The following TAAR2 variants were observed in gnomAD, a reference collection of about 807,000 sequenced individuals.
The protein encoded by TAAR2 is trace amine associated receptor 2.
In TAAR2, 30 loss-of-function variants were observed where a neutral mutation model predicts 25.5. That is an observed-to-expected ratio of 1.18 (90% CI 0.88 to 1.60). The LOEUF is 1.60. TAAR2 is among the 40% of genes most tolerant of loss of function. The pLI, the probability that TAAR2 is intolerant of heterozygous loss-of-function variation, is 0.00. For missense variants in TAAR2, 481 were observed against 416.5 expected, an observed-to-expected ratio of 1.15 and a Z score of -1.35; for synonymous variants, 150 against 142.4, an observed-to-expected ratio of 1.05 and a Z score of -0.38.
rs2114608847 is a variant in TAAR2, at chr6:132,618,084, C to A, written c.122G>T (p.Gly41Val). Residue 41 changes from glycine to valine, a missense_variant, in exon 2 of 2, where the codon GGT becomes GTT. Gly to Val is a moderately radical substitution (Grantham distance 109, BLOSUM62 -3). Transcript: ENST00000367931. ...RSCPENERSL[G>V]VRVAMYSFMA... The stretch of plus-strand genomic sequence containing the variant: ...AAATGAATACATAGCCACTCGGACA[C>A]CCAGAGATCTTTCATTTTCTGGGCA... The A allele has an allele frequency of 2.5e-6, 4 of 1,612,706 alleles. 1 individual carries two copies. The Middle Eastern group carries it at 6.6e-4, about 267-fold the overall frequency.
At position 132,618,073 on chromosome 6, in the gene TAAR2, C is replaced by T. The variant is rs202050977; in HGVS notation, c.133G>A (p.Ala45Thr). Residue 45 changes from alanine to threonine, a missense_variant, in exon 2 of 2, where the codon GCT becomes ACT. Transcript: ENST00000367931. ...GATCCTGCCATAAATGAATACATAG[C>T]CACTCGGACACCCAGAGATCTTTCA... ...ENERSLGVRVAMYSFMAGSIF... is the reference protein window; with the variant it reads ...ENERSLGVRVTMYSFMAGSIF... 256 of 1,613,686 alleles carry T rather than the reference C, an allele frequency of 1.6e-4. No homozygotes were observed. Among genetic ancestry groups the T allele is most frequent in the Non-Finnish European group, 1.7e-4 (201 of 1,179,852 alleles).
rs1403838401 is a variant in TAAR2, at chr6:132,621,288, A to T, written c.60+2928T>A. Among the ~76,000 whole-genome samples the T allele has an allele frequency of 2.0e-5, 3 of 152,028 alleles. No individual in the cohort carries two copies. The East Asian group carries it at 5.8e-4, about 29-fold the overall frequency. ...TTACTTTAAGTTCTGGGATACATGT[A>T]CAGAACGTGCAGGTTTATTACATAG... On this transcript the variant is annotated intron_variant, in intron 1 of 1. Transcript: ENST00000367931.
Position 132,618,073 on chromosome 6 carries a change from C to G in TAAR2, c.133G>C (p.Ala45Pro), listed in dbSNP as rs202050977. ...ENERSLGVRV[A>P]MYSFMAGSIF... is the part of the protein sequence containing the mutation. ...GATCCTGCCATAAATGAATACATAG[C>G]CACTCGGACACCCAGAGATCTTTCA... The change falls in exon 2 of 2, where the codon GCT becomes CCT. Residue 45 changes from alanine to proline, a missense_variant. Ala to Pro is a conservative substitution (Grantham distance 27). Coordinates refer to ENST00000367931, the MANE Select transcript of TAAR2 (RefSeq NM_001033080.1). 6.2e-7 allele frequency: 1 copy of G among 1,613,804 alleles called. No homozygotes were observed. The highest frequency in any genetic ancestry group is 8.5e-7 in the Non-Finnish European group (1 of 1,179,844).
intron 1 of TAAR2, among the ~76,000 whole-genome samples, chr6:132,623,256 A>T (rs1466770280): frequency 1.3e-5 from 2 of 152,308 alleles, no homozygotes; most frequent in Non-Finnish European, 2.9e-5. Flanking sequence ...CTTTTCCAGG[A>T]TTCTAAATAT....
In TAAR2 at chr6:132,617,676, C is replaced by A; in HGVS notation, c.530G>T (p.Gly177Val). The A allele has an allele frequency of 2.5e-6, 4 of 1,613,842 alleles. No individual in the cohort carries two copies. Among genetic ancestry groups the A allele is most frequent in the Non-Finnish European group, 3.4e-6 (4 of 1,179,970 alleles). The change falls in exon 2 of 2, where the codon GGG becomes GTG. Residue 177 changes from glycine (G) to valine (V), a missense_variant. By Grantham distance (109) the Gly-to-Val change is moderately radical. Transcript: ENST00000367931. ...CWSVPGAFAF[G>V]VVFSEAYADG... is the part of the protein sequence containing the mutation. The stretch of plus-strand genomic sequence containing the variant: ...TGCATAGGCCTCTGAGAAGACCACC[C>A]CGAAGGCAAATGCTCCAGGGACCGA...
rs1248881422 is a variant in TAAR2 at position 132,622,977 on chromosome 6, C to T, written c.60+1239G>A. ...TGGTATAATATATAATATGAATAGG[C>T]TTAGCGTAATGCCTGATATATAGCA... is the stretch of plus-strand genomic sequence containing the variant. On this transcript the variant is annotated intron_variant, in intron 1 of 1. Transcript: ENST00000367931. Among the ~76,000 whole-genome samples, 30 of 152,198 alleles carry T rather than the reference C, an allele frequency of 2.0e-4. No homozygotes were observed. The South Asian group carries it at 2.3e-3, about 12-fold the overall frequency.
chr6:132,623,842 T>C (rs550338882), intron 1 of TAAR2, among the ~76,000 whole-genome samples: 2 of 152,186 alleles, frequency 1.3e-5, no homozygotes, highest in African/African-American at 4.8e-5. Flanking sequence ...AGGCTCTAAG[T>C]CTGCTATTAC....
At chr6:132,618,190 T>C (rs1777327203) in intron 1 of TAAR2, 45 bp from the exon 2 acceptor site, 1 of 1,496,494 alleles carries the variant, frequency 6.7e-7, no homozygotes, top group East Asian at 2.3e-5. Flanking sequence ...AATATAAATA[T>C]TCTATGTTTT....
rs377142217 is a variant in TAAR2 at position 132,617,953 on chromosome 6, T to C, written c.253A>G (p.Met85Val). Residue 85 changes from methionine (M) to valine (V), a missense_variant, in exon 2 of 2, where the codon ATG (methionine) becomes GTG (valine). Physicochemically the swap from Met to Val is conservative, Grantham distance 21. Coordinates refer to ENST00000367931, the MANE Select transcript of TAAR2 (RefSeq NM_001033080.1). Reference protein sequence around the residue: ...HTPTNFLILSMAITDFLLGFT... With the variant: ...HTPTNFLILSVAITDFLLGFT... Reference sequence around the variant, plus strand: ...CCCAGGAGGAAATCAGTGATGGCCATGGAGAGGATGAGGAAGTTGGTTGGT... The same window carrying C: ...CCCAGGAGGAAATCAGTGATGGCCACGGAGAGGATGAGGAAGTTGGTTGGT... The C allele has an allele frequency of 3.1e-6, 5 of 1,613,788 alleles. No individual in the cohort carries two copies. The highest frequency in any genetic ancestry group is 8.5e-7 in the Non-Finnish European group (1 of 1,179,946).
chr6:132,618,495 C>G (rs764055838), intron 1 of TAAR2, among the ~76,000 whole-genome samples: 1 of 152,034 alleles, frequency 6.6e-6, no homozygotes, highest in Non-Finnish European at 1.5e-5. Context: ...CAAAAAGTAG[C>G]CAGGCATGGT....
chr6:132,617,839 C>G lies in TAAR2; in HGVS notation c.367G>C (p.Asp123His), dbSNP rs777336748. ...LTFCKIYYSF[D>H]LMLSITSIFH... ...ATGGATGTTATGCTAAGCATCAGGT[C>G]AAAACTATAATAAATCTTGCAAAAT... Residue 123 changes from aspartate to histidine, a missense_variant, in exon 2 of 2, where the codon GAC (aspartate) becomes CAC (histidine). Asp to His is a moderately conservative substitution (Grantham distance 81). Coordinates refer to ENST00000367931, the MANE Select transcript of TAAR2 (RefSeq NM_001033080.1). The G allele has an allele frequency of 1.2e-6, 2 of 1,613,996 alleles. No individual in the cohort carries two copies. The highest frequency in any genetic ancestry group is 2.2e-5 in the East Asian group (1 of 44,814).
rs766634795 is a variant in TAAR2, at chr6:132,617,870, C to T, written c.336G>A (p.Gly112=). ...IRSVENCWYF[G]LTFCKIYYSF... is the part of the protein sequence containing the mutation. ...TATAATAAATCTTGCAAAATGTAAG[C>T]CCAAAATACCAGCAGTTCTCCACCG... The change falls in exon 2 of 2, where the codon GGG becomes GGA. Residue 112 remains glycine, a synonymous_variant. Coordinates refer to ENST00000367931, the MANE Select transcript of TAAR2 (RefSeq NM_001033080.1). 2.5e-6 allele frequency: 4 copies of T among 1,613,932 alleles called. No individual in the cohort carries two copies. In the South Asian group the frequency reaches 4.4e-5, roughly 18 times the overall value.
chr6:132,623,992 A>C (rs1777411043), intron 1 of TAAR2, among the ~76,000 whole-genome samples: 1 of 152,144 alleles, frequency 6.6e-6, no homozygotes, highest in Non-Finnish European at 1.5e-5. Flanking sequence ...AAGATCTGAC[A>C]GTCACAGTCC....
rs1777323550 is a variant in TAAR2, at chr6:132,618,040, T to C, written c.166A>G (p.Ile56Val). Residue 56 changes from isoleucine (I) to valine (V), a missense_variant, in exon 2 of 2, where the codon ATC becomes GTC. Physicochemically the swap from Ile to Val is conservative, Grantham distance 29 (BLOSUM62 3). Transcript: ENST00000367931. ...MYSFMAGSIFITIFGNLAMII... is the reference protein window; with the variant it reads ...MYSFMAGSIFVTIFGNLAMII... ...ATGGCAAGATTGCCAAATATTGTGA[T>C]GAATATGGATCCTGCCATAAATGAA... 1.2e-6 allele frequency: 2 copies of C among 1,614,084 alleles called. No individual in the cohort carries two copies. Among genetic ancestry groups the C allele is most frequent in the Middle Eastern group, 1.7e-4 (1 of 6,058 alleles).
intron 1 of TAAR2, among the ~76,000 whole-genome samples, chr6:132,620,148 A>G (rs1483666917): frequency 6.6e-6 from 1 of 152,226 alleles, no homozygotes; most frequent in East Asian, 1.9e-4. Flanking sequence ...GAGTGAGTAC[A>G]GATTTGAAAT....
At chr6:132,619,340 C>T (rs1261224429) in intron 1 of TAAR2, among the ~76,000 whole-genome samples, 3 of 152,040 alleles carry the variant, frequency 2.0e-5, no homozygotes, top group Admixed American at 6.5e-5. Context: ...AAATGTAACA[C>T]GTTCATGAGT....
chr6:132,622,022 A>C (rs1777381742), intron 1 of TAAR2, among the ~76,000 whole-genome samples: 2 of 152,186 alleles, frequency 1.3e-5, no homozygotes, highest in Admixed American at 1.3e-4. Context: ...TATAGCTTTC[A>C]AGGGTCATTT....
chr6:132,623,131 G>A (rs1295964499), intron 1 of TAAR2, among the ~76,000 whole-genome samples: 7 of 151,992 alleles, frequency 4.6e-5, no homozygotes, highest in Non-Finnish European at 1.0e-4. Context: ...AGAAAAAGAG[G>A]AAATGGGATT....
intron 1 of TAAR2, among the ~76,000 whole-genome samples, chr6:132,620,538 C>A (rs1004013796): frequency 6.6e-6 from 1 of 152,126 alleles, no homozygotes; most frequent in Non-Finnish European, 1.5e-5. Flanking sequence ...ATACTGCATG[C>A]TCTCACTTAT....
Sources: allele counts gnomAD v4.1 joint callset (sites outside exome capture counted in the v4.1 genomes callset), GRCh38; gene constraint gnomAD v4.1.1; transcripts MANE v1.5; gene names NCBI Gene and HGNC (gene_info 2026-07-23, HGNC 2026-07-21).